Variants in CLVS1 observed in about 807,000 individuals in gnomAD.
CLVS1 encodes the protein clavesin-1.
Under a neutral mutation model 33.1 loss-of-function variants are expected in CLVS1, and 10 were observed. The observed-to-expected ratio is 0.30, with a 90% CI of 0.19 to 0.51. The LOEUF is 0.51. Among genes scored for constraint, CLVS1 ranks in the 20% least tolerant of loss-of-function variants. The pLI is 0.97. For synonymous variants in CLVS1, 163 were observed against 166.1 expected (o/e 0.98, Z 0.14); for missense variants, 343 against 433.4 (o/e 0.79, Z 1.85).
At chr8:61,179,145 G>C (rs967280746) in intron 2 of CLVS1, among the ~76,000 whole-genome samples, 1 of 152,158 alleles carries the variant, frequency 6.6e-6, no homozygotes. Context: ...TAAAGGGATA[G>C]AGGAAAATTT....
chr8:61,010,610 T>C, the CLVS1 span, among the ~76,000 whole-genome samples: 435 of 152,344 alleles, frequency 2.9e-3, 2 homozygotes, highest in Admixed American at 7.4e-3. Context: ...CCAGATTATG[T>C]CCTTACTGTT....
intron 2 of CLVS1, among the ~76,000 whole-genome samples, chr8:61,313,994 TA>T (rs1485399111): frequency 3.3e-5 from 5 of 152,068 alleles, no homozygotes; most frequent in East Asian, 3.9e-4. Flanking sequence ...CCTCTTCTGA[TA>T]GTAAGGATGT....
intron 3 of CLVS1, among the ~76,000 whole-genome samples, chr8:61,382,217 A>G (rs550278364): frequency 1.3e-5 from 2 of 152,316 alleles, no homozygotes; most frequent in South Asian, 4.1e-4. Flanking sequence ...GTGATTAGTA[A>G]TTTTGACAGT....
At chr8:61,201,374 A>G (rs1807728947) in intron 2 of CLVS1, among the ~76,000 whole-genome samples, 1 of 152,192 alleles carries the variant, frequency 6.6e-6, no homozygotes, top group South Asian at 2.1e-4. Context: ...GCATTTCCCG[A>G]AGCTTCTGAG....
chr8:61,246,279 C>T (rs547444552), intron 2 of CLVS1, among the ~76,000 whole-genome samples: 77 of 142,356 alleles, frequency 5.4e-4, no homozygotes, highest in Non-Finnish European at 1.0e-3. Flanking sequence ...AAGCGATTCT[C>T]CTGCCTCAGC....
intron 3 of CLVS1, among the ~76,000 whole-genome samples, chr8:61,392,850 A>C (rs987813416): frequency 8.6e-5 from 13 of 151,982 alleles, no homozygotes; most frequent in African/African-American, 2.9e-4. Flanking sequence ...CTCAAAAAAA[A>C]CATATATTTT....
At chr8:61,495,939 T>A (rs950550915) in intron 5 of CLVS1, among the ~76,000 whole-genome samples, 3 of 152,074 alleles carry the variant, frequency 2.0e-5, no homozygotes, top group African/African-American at 7.2e-5. Context: ...GCTGGGCAGG[T>A]GTGGGAGGGC....
intron 1 of CLVS1, among the ~76,000 whole-genome samples, chr8:61,067,613 T>A (rs1804706817): frequency 1.3e-5 from 2 of 152,168 alleles, no homozygotes; most frequent in Non-Finnish European, 2.9e-5. Flanking sequence ...CTCATGCCTT[T>A]AATCCCAGTG....
chr8:61,254,683 A>T (rs1230127805), intron 2 of CLVS1, among the ~76,000 whole-genome samples: 1 of 152,132 alleles, frequency 6.6e-6, no homozygotes, highest in African/African-American at 2.4e-5. Context: ...TGTGCTAGTA[A>T]TGAGTGAGGT....
chr8:60,979,520 C>T, the CLVS1 span, among the ~76,000 whole-genome samples: 11 of 152,186 alleles, frequency 7.2e-5, no homozygotes, highest in Non-Finnish European at 1.6e-4. Flanking sequence ...GCATCCCTCC[C>T]GGTATCTGCT....
intron 2 of CLVS1, among the ~76,000 whole-genome samples, chr8:61,320,125 T>C (rs1413584375): frequency 6.6e-6 from 1 of 152,180 alleles, no homozygotes; most frequent in Non-Finnish European, 1.5e-5. Context: ...TTCTGACTTA[T>C]CAGATATTAA....
chr8:61,226,630 T>TG lies in CLVS1; in HGVS notation c.-151-73046dup, dbSNP rs374412617. Among the ~76,000 whole-genome samples the TG allele has an allele frequency of 5.1e-3, 775 of 152,344 alleles. 11 individuals carry two copies. Among genetic ancestry groups the TG allele is most frequent in the African/African-American group, 0.018 (739 of 41,572 alleles). On this transcript the variant is annotated intron_variant, in intron 2 of 2. Transcript: ENST00000522621. Reference sequence around the variant, plus strand: ...CATTTGTGACTGAACTATTTGCCCTTGAAATCAATAAAATTTCGAGTGAAT... The same window carrying TG: ...CATTTGTGACTGAACTATTTGCCCTTGGAAATCAATAAAATTTCGAGTGAAT...
At chr8:61,392,422 T>G (rs1356481644) in intron 3 of CLVS1, among the ~76,000 whole-genome samples, 1 of 152,198 alleles carries the variant, frequency 6.6e-6, no homozygotes, top group Non-Finnish European at 1.5e-5. Context: ...CCTGCTCCAG[T>G]TATCTGATTT....
chr8:61,096,391 C>A (rs1341229177), intron 1 of CLVS1, among the ~76,000 whole-genome samples: 1 of 152,200 alleles, frequency 6.6e-6, no homozygotes, highest in Non-Finnish European at 1.5e-5. Context: ...CTACCCTCTT[C>A]TCCATATGAT....
intron 3 of CLVS1, among the ~76,000 whole-genome samples, chr8:61,437,414 T>A (rs1306648124): frequency 6.6e-6 from 1 of 152,212 alleles, no homozygotes; most frequent in Non-Finnish European, 1.5e-5. Flanking sequence ...CTTAAAAGAA[T>A]CCTCCGTACT....
intron 5 of CLVS1, among the ~76,000 whole-genome samples, chr8:61,478,779 A>G (rs865982558): frequency 6.6e-6 from 1 of 152,156 alleles, no homozygotes; most frequent in East Asian, 1.9e-4. Context: ...CCAATTTGCC[A>G]GTCTGTGTCT....
the CLVS1 span, among the ~76,000 whole-genome samples, chr8:60,974,354 TC>T: frequency 6.6e-6 from 1 of 152,216 alleles, no homozygotes; most frequent in Non-Finnish European, 1.5e-5. Flanking sequence ...CTCTTCCATT[TC>T]AAGTTTGAGA....
chr8:60,996,377 G>A, the CLVS1 span, among the ~76,000 whole-genome samples: 7 of 152,172 alleles, frequency 4.6e-5, no homozygotes, highest in Admixed American at 4.6e-4. Flanking sequence ...TGGGTTGCAT[G>A]CAATATCTTT....
chr8:61,076,858 C>A (rs1220977774), intron 1 of CLVS1, among the ~76,000 whole-genome samples: 1 of 152,284 alleles, frequency 6.6e-6, no homozygotes, highest in African/African-American at 2.4e-5. Flanking sequence ...AGTCCCTGCA[C>A]CCATTTAATG....
Sources: allele counts gnomAD v4.1 joint callset (sites outside exome capture counted in the v4.1 genomes callset), GRCh38; gene constraint gnomAD v4.1.1; transcripts MANE v1.5; gene names NCBI Gene and HGNC (gene_info 2026-07-23, HGNC 2026-07-21).